The following HIPK4 variants were observed in gnomAD, a reference collection of about 807,000 sequenced individuals.
The protein encoded by HIPK4 is homeodomain interacting protein kinase 4, also known as homeodomain-interacting protein kinase 4.
HIPK4 carries 26 observed loss-of-function variants against 44.8 expected under a neutral mutation model. The ratio of observed to expected loss-of-function variants is 0.58; its 90% confidence interval spans 0.43 to 0.80. The LOEUF (loss-of-function observed/expected upper bound fraction) is 0.80. Ranked by LOEUF, HIPK4 falls within the 30% of genes least tolerant of loss-of-function variation. The pLI, the probability that HIPK4 is intolerant of heterozygous loss-of-function variation, is 0.00. For synonymous variants in HIPK4, 340 were observed against 355.5 expected (o/e 0.96, Z 0.49); for missense variants, 729 against 862.6 (o/e 0.85, Z 1.94).
At chr19:40,388,541 G>A (rs1453455906) in intron 1 of HIPK4, among the ~76,000 whole-genome samples, 1 of 152,140 alleles carries the variant, frequency 6.6e-6, no homozygotes, top group Non-Finnish European at 1.5e-5. Flanking sequence ...GTTTGTGGAA[G>A]TCCCTGCTTC....
Position 40,379,629 on chromosome 19 carries a change from C to A in HIPK4, c.1809G>T (p.Arg603=). 6.4e-7 allele frequency: 1 copy of A among 1,551,288 alleles called. No individual in the cohort carries two copies. Among genetic ancestry groups the A allele is most frequent in the East Asian group, 2.4e-5 (1 of 40,906 alleles). Reference sequence around the variant, plus strand: ...CATGCTGGAGGAAGCTGGTGGCCCCCCGGGGTGGACCATGCTGGTGGGAGC... The same window carrying A: ...CATGCTGGAGGAAGCTGGTGGCCCCACGGGGTGGACCATGCTGGTGGGAGC... The part of the protein sequence containing the change: ...PRRSHQHGPP[R]GATSFLQHVT... The change falls in exon 4 of 4, where the codon CGG becomes CGT. Residue 603 remains arginine (R), a synonymous_variant. Transcript: ENST00000291823.
Position 40,389,580 on chromosome 19 carries a change from A to T in HIPK4, c.323T>A (p.Leu108His). Residue 108 changes from leucine (L) to histidine (H), a missense_variant, in exon 1 of 4, where the codon CTC (leucine) becomes CAC (histidine). Around this residue, in one of 2 missense-constraint regions of HIPK4, gnomAD observed 196 missense variants for 295.1 expected, o/e 0.66. Transcript: ENST00000291823. This position sits in a 1 kb window ranked among gnomAD's most constrained non-coding sequence, Gnocchi z 4.6. ...EFQKENNFAP[L>H]PARHIRTVTL... is the part of the protein sequence containing the mutation. ...GACTGTACGGATGTGGCGGGCGGGG[A>T]GGGGCGCGAAGTTGTTCTCCTTCTG... 2 of 1,602,344 alleles carry T rather than the reference A, an allele frequency of 1.2e-6. No homozygotes were observed. The highest frequency in any genetic ancestry group is 1.7e-6 in the Non-Finnish European group (2 of 1,173,448).
At position 40,389,690 on chromosome 19, in the gene HIPK4, G is replaced by A. The variant is rs1481943011; in HGVS notation, c.213C>T (p.His71=). ...GGAAGAACTCAAGGAAGCGGATGAC[G>A]TGGGCCTCTTCAGGGTCTAGGCCTC... ...CMRGLDPEEA[H]VIRFLEFFHD... Residue 71 remains histidine (H), a synonymous_variant, in exon 1 of 4, where the codon CAC becomes CAT. Coordinates refer to ENST00000291823, the MANE Select transcript of HIPK4 (RefSeq NM_144685.5). This position sits in a 1 kb window ranked among gnomAD's most constrained non-coding sequence, Gnocchi z 4.6. 9.9e-6 allele frequency: 16 copies of A among 1,614,164 alleles called. No homozygotes were observed. The highest frequency in any genetic ancestry group is 2.2e-5 in the South Asian group (2 of 91,086).
Position 40,380,907 on chromosome 19 carries a change from A to G in HIPK4, c.1084T>C (p.Tyr362His), listed in dbSNP as rs1157042287. ...LRSAHETTHY[Y>H]QLSLRSYRLS... The stretch of plus-strand genomic sequence containing the variant: ...CGGTAGCTGCGCAGCGAGAGCTGGT[A>G]GTAGTGGGTGGTCTCGTGGGCACTG... The change falls in exon 3 of 4, where the codon TAC becomes CAC. Residue 362 changes from tyrosine (Y) to histidine (H), a missense_variant. Tyr to His is a moderately conservative substitution (Grantham distance 83). Around this residue, in one of 2 missense-constraint regions of HIPK4, gnomAD observed 533 missense variants for 567.5 expected, o/e 0.94. Transcript: ENST00000291823. This position sits in a 1 kb window ranked among gnomAD's most constrained non-coding sequence, Gnocchi z 4.2. 2 of 1,604,134 alleles carry G rather than the reference A, an allele frequency of 1.2e-6. No individual in the cohort carries two copies. Among genetic ancestry groups the G allele is most frequent in the Admixed American group, 1.7e-5 (1 of 59,854 alleles).
rs1347885443 is a variant in HIPK4, at chr19:40,389,388, A to G, written c.465+50T>C. The G allele has an allele frequency of 9.7e-7, 1 of 1,032,154 alleles. No homozygotes were observed. The highest frequency in any genetic ancestry group is 2.9e-5 in the East Asian group (1 of 35,036). The allele number at this position is 1,032,154 out of a possible 1,614,324, so 63.9% of individuals were successfully genotyped here. A position where few individuals can be genotyped will look rare whatever the true frequency, so the allele number is the denominator to read the frequency against. Reference sequence around the variant, plus strand: ...AAATCTAGGGCTGGAAGAAGCTGGGAAAAAGACAAGGAACTAGGGACGCAG... The same window carrying G: ...AAATCTAGGGCTGGAAGAAGCTGGGGAAAAGACAAGGAACTAGGGACGCAG... On this transcript the variant is annotated intron_variant, in intron 1 of 3. Coordinates refer to ENST00000291823, the MANE Select transcript of HIPK4 (RefSeq NM_144685.5). This position sits in a 1 kb window ranked among gnomAD's most constrained non-coding sequence, Gnocchi z 4.6.
At chr19:40,388,158 C>T (rs548760214) in intron 1 of HIPK4, among the ~76,000 whole-genome samples, 17 of 152,016 alleles carry the variant, frequency 1.1e-4, no homozygotes, top group Non-Finnish European at 1.9e-4. Context: ...GCTAGGATTA[C>T]AGGTGCCCGC....
chr19:40,379,507 T>C lies in HIPK4; in HGVS notation c.*80A>G. 1 of 1,191,846 alleles carries C rather than the reference T, an allele frequency of 8.4e-7. No homozygotes were observed. The highest frequency in any genetic ancestry group is 1.1e-6 in the Non-Finnish European group (1 of 877,270). 73.8% of individuals were successfully genotyped at this position (1,191,846 alleles called of 1,614,324 possible). On this transcript the variant is annotated 3_prime_UTR_variant, in exon 4 of 4. Coordinates refer to ENST00000291823, the MANE Select transcript of HIPK4 (RefSeq NM_144685.5). ...ATAATTTGTGGGTTCAGGAGATGGCTCTGAGGAGCAGTTCAGGTTGGGAGG... is the reference window on the plus strand; with the variant it reads ...ATAATTTGTGGGTTCAGGAGATGGCCCTGAGGAGCAGTTCAGGTTGGGAGG...
At chr19:40,381,819 G>A (rs1056311377) in intron 2 of HIPK4, among the ~76,000 whole-genome samples, 2 of 94,356 alleles carry the variant, frequency 2.1e-5, no homozygotes, top group African/African-American at 8.1e-5. Flanking sequence ...TTTTGTATGT[G>A]TGTGAGACAG....
Position 40,382,731 on chromosome 19 carries a change from A to AT in HIPK4, c.822+1051dup, listed in dbSNP as rs200351809. 6.9e-3 allele frequency among the ~76,000 whole-genome samples: 1,026 copies of AT among 149,712 alleles called. 11 individuals are homozygous for AT. The highest frequency in any genetic ancestry group is 0.024 in the African/African-American group (972 of 40,770). Reference sequence around the variant, plus strand: ...GTCCTCATTGAGGTTTAGCCCAGAAATTTTTTTTTTCAATTATTAAAAAAA... The same window carrying AT: ...GTCCTCATTGAGGTTTAGCCCAGAAATTTTTTTTTTTCAATTATTAAAAAAA... On this transcript the variant is annotated intron_variant, in intron 2 of 3. Transcript: ENST00000291823.
chr19:40,383,751 C>T, intron 2 of HIPK4, 32 bp downstream of exon 2: 1 of 1,547,456 alleles, frequency 6.5e-7, no homozygotes, highest in South Asian at 1.2e-5. Flanking sequence ...ACAGCCCCCA[C>T]ACTGACTGCC....
rs778389824 is a variant in HIPK4 at position 40,380,868 on chromosome 19, C to G, written c.1123G>C (p.Val375Leu). Residue 375 changes from valine (V) to leucine (L), a missense_variant, in exon 3 of 4, where the codon GTG becomes CTG. This residue lies in a region of HIPK4 where 533 missense variants were observed against 567.5 expected (regional missense o/e 0.94). Coordinates refer to ENST00000291823, the MANE Select transcript of HIPK4 (RefSeq NM_144685.5). This position sits in a 1 kb window ranked among gnomAD's most constrained non-coding sequence, Gnocchi z 4.2. ...SLRSYRLSLQ[V>L]EGKPPTPVVA... ...ACGGGCGTGGGGGGCTTCCCCTCCA[C>G]TTGCAGCGAGAGGCGGTAGCTGCGC... The G allele has an allele frequency of 1.9e-6, 3 of 1,608,234 alleles. No individual in the cohort carries two copies. Among genetic ancestry groups the G allele is most frequent in the Non-Finnish European group, 2.6e-6 (3 of 1,175,170 alleles).
At chr19:40,383,105 C>T (rs866841752) in intron 2 of HIPK4, among the ~76,000 whole-genome samples, 63 of 104,378 alleles carry the variant, frequency 6.0e-4, no homozygotes, top group African/African-American at 1.9e-3. Flanking sequence ...TTTTTTGAGA[C>T]GGAGTCTCAC....
rs575103398 is a variant in HIPK4, at chr19:40,384,755, G to C, written c.466-616C>G. Among the ~76,000 whole-genome samples, 16 of 151,222 alleles carry C rather than the reference G, an allele frequency of 1.1e-4. No individual in the cohort carries two copies. In the South Asian group the frequency reaches 3.3e-3, roughly 32 times the overall value. On this transcript the variant is annotated intron_variant, in intron 1 of 3. Transcript: ENST00000291823. ...GTCTCCTGAATAGCTGGGTCTACAG[G>C]TGCACACCACCATGCCCTGCTAATT...
chr19:40,389,967 C>A lies in HIPK4; in HGVS notation c.-65G>T. 7.7e-7 allele frequency: 1 copy of A among 1,297,952 alleles called. No homozygotes were observed. The highest frequency in any genetic ancestry group is 2.4e-5 in the East Asian group (1 of 41,370). The allele number at this position is 1,297,952 out of a possible 1,614,324, so 80.4% of individuals were successfully genotyped here. ...GTACCACTGGCTCTGCCGCCCAGGC[C>A]TCCCGCCTGGCTGCTGACACAGCAG... On this transcript the variant is annotated 5_prime_UTR_variant, in exon 1 of 4. It adds an upstream start codon to the 5' untranslated region. Transcript: ENST00000291823. This position sits in a 1 kb window ranked among gnomAD's most constrained non-coding sequence, Gnocchi z 4.6.
At chr19:40,384,372 C>T (rs2079353113) in intron 1 of HIPK4, among the ~76,000 whole-genome samples, 1 of 152,072 alleles carries the variant, frequency 6.6e-6, no homozygotes, top group African/African-American at 2.4e-5. Flanking sequence ...GGCACGATCT[C>T]AGCACACTGC....
Position 40,381,249 on chromosome 19 carries a change from T to G in HIPK4, c.823-81A>C, listed in dbSNP as rs572269937. 2.6e-5 allele frequency: 30 copies of G among 1,146,524 alleles called. No individual in the cohort carries two copies. The African/African-American group carries it at 4.1e-4, about 16-fold the overall frequency. The allele number at this position is 1,146,524 out of a possible 1,614,324, so 71.0% of individuals were successfully genotyped here. The stretch of plus-strand genomic sequence containing the variant: ...GGGCACTCCTGCTGTGGCACCCACA[T>G]GTAGCCCCGACTTCCAGGTCTGCCC... On this transcript the variant is annotated intron_variant, in intron 2 of 3. Transcript: ENST00000291823.
Position 40,380,922 on chromosome 19 carries a change from CGTG to C in HIPK4, c.1066_1068del (p.His356del), listed in dbSNP as rs747881160. 1.9e-6 allele frequency: 3 copies of C among 1,605,568 alleles called. No individual in the cohort carries two copies. Among genetic ancestry groups the C allele is most frequent in the South Asian group, 2.2e-5 (2 of 90,964 alleles). Reference sequence around the variant, plus strand: ...GAGAGCTGGTAGTAGTGGGTGGTCTCGTGGGCACTGCGCAGCTGCTGCATGGAC... The same window carrying C: ...GAGAGCTGGTAGTAGTGGGTGGTCTCGGCACTGCGCAGCTGCTGCATGGAC... On this transcript the variant is annotated inframe_deletion, in exon 3 of 4. Transcript: ENST00000291823. This position sits in a 1 kb window ranked among gnomAD's most constrained non-coding sequence, Gnocchi z 4.2.
intron 1 of HIPK4, among the ~76,000 whole-genome samples, chr19:40,386,863 T>C (rs1320191954): frequency 1.3e-5 from 2 of 151,958 alleles, no homozygotes; most frequent in Non-Finnish European, 2.9e-5. Flanking sequence ...TCTCTCTCTG[T>C]CTCTCATTTG....
intron 1 of HIPK4, among the ~76,000 whole-genome samples, chr19:40,386,000 C>G (rs1225136387): frequency 1.3e-5 from 2 of 151,802 alleles, no homozygotes; most frequent in Non-Finnish European, 2.9e-5. Context: ...CCACCGCACC[C>G]AGGTCCACCA....
Sources: gnomAD v4.1 joint callset for allele counts (sites outside exome capture counted in the v4.1 genomes callset) on GRCh38, gnomAD v4.1.1 for gene constraint, gnomAD v4.1.1 regional missense constraint, Gnocchi (gnomAD v3.1) non-coding constraint, MANE v1.5 for transcripts, NCBI Gene and HGNC (gene_info 2026-07-23, HGNC 2026-07-21) for gene names.